Variants in TOP6BL observed in about 807,000 individuals in gnomAD.
TOP6BL encodes type 2 DNA topoisomerase 6 subunit B-like.
the TOP6BL span, chr11:66,788,326 A>C: frequency 7.8e-7 from 1 of 1,277,136 alleles, no homozygotes. Context: ...TTTTTCTGCA[A>C]TCTAATAACA....
At chr11:66,843,146 C>G in the TOP6BL span, 325 of 1,609,874 alleles carry the variant, frequency 2.0e-4, 3 homozygotes, top group Non-Finnish European at 3.8e-5. Flanking sequence ...AGGTCCTCAC[C>G]CCGGGCCCCC....
chr11:66,819,551 G>A, the TOP6BL span, among the ~76,000 whole-genome samples: 7 of 152,064 alleles, frequency 4.6e-5, no homozygotes, highest in Non-Finnish European at 7.4e-5. Context: ...CAGGAGGACC[G>A]CTTGAGCCCA....
the TOP6BL span, chr11:66,756,455 C>T: frequency 5.6e-6 from 6 of 1,079,586 alleles, no homozygotes; most frequent in Non-Finnish European, 7.0e-6. Flanking sequence ...GCCTCAGTCC[C>T]CCGAGTAGCT....
At chr11:66,823,563 G>A in the TOP6BL span, among the ~76,000 whole-genome samples, 1 of 152,058 alleles carries the variant, frequency 6.6e-6, no homozygotes, top group Non-Finnish European at 1.5e-5. Flanking sequence ...GCTCATGCCT[G>A]TAATCCCAGC....
chr11:66,814,402 G>A, the TOP6BL span, among the ~76,000 whole-genome samples: 1 of 152,096 alleles, frequency 6.6e-6, no homozygotes, highest in Non-Finnish European at 1.5e-5. Flanking sequence ...GGGATTACAG[G>A]TGCCTACCAC....
At chr11:66,796,189 T>C in the TOP6BL span, 1 of 933,968 alleles carries the variant, frequency 1.1e-6, no homozygotes, top group African/African-American at 1.7e-5. Flanking sequence ...TTCTGAGGTA[T>C]AGTTACTTTT....
chr11:66,836,355 G>A, the TOP6BL span, among the ~76,000 whole-genome samples: 5 of 151,628 alleles, frequency 3.3e-5, no homozygotes, highest in Admixed American at 1.3e-4. Flanking sequence ...ACTTACAGGC[G>A]CCCACTACCA....
the TOP6BL span, among the ~76,000 whole-genome samples, chr11:66,778,587 C>G: frequency 1.6e-4 from 25 of 152,130 alleles, no homozygotes; most frequent in East Asian, 4.8e-3. Context: ...AGTAGTTAGC[C>G]CAAGGTAATT....
At chr11:66,746,942 T>C in the TOP6BL span, among the ~76,000 whole-genome samples, 1 of 152,054 alleles carries the variant, frequency 6.6e-6, no homozygotes, top group African/African-American at 2.4e-5. Flanking sequence ...TAAATGTGTT[T>C]TTTTTTTTCT....
At chr11:66,796,923 G>A in the TOP6BL span, among the ~76,000 whole-genome samples, 8 of 151,370 alleles carry the variant, frequency 5.3e-5, no homozygotes, top group Non-Finnish European at 7.4e-5. Context: ...TAACTCCCAG[G>A]CTTTAACAAT....
the TOP6BL span, chr11:66,803,846 A>T: frequency 1.8e-6 from 1 of 541,096 alleles, no homozygotes; most frequent in Non-Finnish European, 3.1e-6. Flanking sequence ...TCCCTGAGTG[A>T]GACATAAGTT....
At chr11:66,823,801 A>T in the TOP6BL span, among the ~76,000 whole-genome samples, 1 of 152,160 alleles carries the variant, frequency 6.6e-6, no homozygotes, top group Non-Finnish European at 1.5e-5. Flanking sequence ...TGGGTGACAA[A>T]GTGAGATTCC....
At chr11:66,839,834 C>T in the TOP6BL span, among the ~76,000 whole-genome samples, 1 of 152,034 alleles carries the variant, frequency 6.6e-6, no homozygotes, top group Non-Finnish European at 1.5e-5. Context: ...TTCTGTGGAC[C>T]CTGGGGAGAT....
At chr11:66,785,343 A>G in the TOP6BL span, among the ~76,000 whole-genome samples, 3 of 152,002 alleles carry the variant, frequency 2.0e-5, no homozygotes, top group African/African-American at 7.3e-5. Flanking sequence ...TTTCTTTTTA[A>G]AGGTATAAAA....
the TOP6BL span, chr11:66,756,337 CTTT>C: frequency 9.2e-7 from 1 of 1,089,056 alleles, no homozygotes; most frequent in Non-Finnish European, 1.2e-6. Flanking sequence ...CTTTTCCCCC[CTTT>C]TTTTTTTCTC....
chr11:66,750,634 C>T, the TOP6BL span, among the ~76,000 whole-genome samples: 2 of 151,982 alleles, frequency 1.3e-5, no homozygotes, highest in African/African-American at 2.4e-5. Flanking sequence ...GAGGCTAATA[C>T]TTTTAACTCT....
At chr11:66,801,253 A>G in the TOP6BL span, 1 of 729,568 alleles carries the variant, frequency 1.4e-6, no homozygotes, top group East Asian at 2.7e-5. Context: ...ACTTTTTTTT[A>G]TGTTGAAAAC....
chr11:66,786,553 T>G, the TOP6BL span, among the ~76,000 whole-genome samples: 3 of 152,226 alleles, frequency 2.0e-5, no homozygotes, highest in Non-Finnish European at 2.9e-5. Context: ...CCCCCAAATA[T>G]CTACACAATT....
the TOP6BL span, among the ~76,000 whole-genome samples, chr11:66,792,151 C>T: frequency 2.6e-5 from 4 of 152,106 alleles, no homozygotes; most frequent in Non-Finnish European, 2.9e-5. Context: ...TAAAAGGGTC[C>T]TCTAACCCCT....
Sources: gnomAD v4.1 joint callset for allele counts (sites outside exome capture counted in the v4.1 genomes callset) on GRCh38, gnomAD v4.1.1 for gene constraint, MANE v1.5 for transcripts, NCBI Gene and HGNC (gene_info 2026-07-23, HGNC 2026-07-21) for gene names.